Variants in UBN2 observed in about 807,000 individuals in gnomAD.
UBN2 encodes ubinuclein-2.
In UBN2, 35 loss-of-function variants were observed where a neutral mutation model predicts 120.2. That is an observed-to-expected ratio of 0.29 (90% CI 0.22 to 0.39). UBN2 has a LOEUF of 0.39. Ranked by LOEUF, UBN2 falls within the 10% of genes least tolerant of loss-of-function variation. The probability of loss-of-function intolerance (pLI) is 1.00; values close to 1 mark genes in which losing one functional copy is unlikely to be tolerated. For missense variants in UBN2, 1,693 were observed against 1,663.2 expected, an observed-to-expected ratio of 1.02 and a Z score of -0.31; for synonymous variants, 661 against 648.7, an observed-to-expected ratio of 1.02 and a Z score of -0.29.
chr7:139,267,472 C>T (rs765298930), intron 7 of UBN2, among the ~76,000 whole-genome samples: 3 of 151,312 alleles, frequency 2.0e-5, no homozygotes, highest in Non-Finnish European at 4.4e-5. Context: ...GGAGATTGAG[C>T]CTGCAGTGAA....
chr7:139,280,531 G>A (rs938866157), intron 13 of UBN2, among the ~76,000 whole-genome samples: 2 of 152,006 alleles, frequency 1.3e-5, no homozygotes, highest in Admixed American at 1.3e-4. Context: ...AATAGATGAG[G>A]TTCTTTGCTT....
intron 5 of UBN2, among the ~76,000 whole-genome samples, 198 bp downstream of exon 5, chr7:139,259,568 A>G (rs1259224828): frequency 6.6e-6 from 1 of 152,218 alleles, no homozygotes; most frequent in African/African-American, 2.4e-5. Flanking sequence ...AGAGACTCCT[A>G]GTGTTTTAGG....
chr7:139,240,765 C>G (rs1190592487), intron 2 of UBN2, among the ~76,000 whole-genome samples: 1 of 152,064 alleles, frequency 6.6e-6, no homozygotes, highest in Non-Finnish European at 1.5e-5. Flanking sequence ...TTATGTTGTT[C>G]TTATGCTCAG....
chr7:139,327,806 G>C, the UBN2 span, among the ~76,000 whole-genome samples: 1 of 152,168 alleles, frequency 6.6e-6, no homozygotes, highest in East Asian at 1.9e-4. Flanking sequence ...TACCACAACA[G>C]TTATTGAAGA....
chr7:139,308,924 G>A (rs1437787447), downstream of UBN2, among the ~76,000 whole-genome samples: 2 of 152,130 alleles, frequency 1.3e-5, no homozygotes, highest in Non-Finnish European at 2.9e-5. Context: ...ACAAAAATTA[G>A]CTGGGCATGG....
intron 6 of UBN2, among the ~76,000 whole-genome samples, chr7:139,262,300 A>G (rs562888238): frequency 4.8e-4 from 73 of 151,242 alleles, no homozygotes; most frequent in Admixed American, 1.1e-3. Flanking sequence ...GGGTTTCCCT[A>G]TGTTGGCCAG....
chr7:139,238,828 G>A (rs1796233204), intron 2 of UBN2, among the ~76,000 whole-genome samples: 1 of 152,118 alleles, frequency 6.6e-6, no homozygotes, highest in Admixed American at 6.5e-5. Context: ...ATAGACTGGT[G>A]GGTGTTTAAA....
chr7:139,252,477 A>G (rs1183748927), intron 3 of UBN2, among the ~76,000 whole-genome samples: 1 of 152,152 alleles, frequency 6.6e-6, no homozygotes, highest in Non-Finnish European at 1.5e-5. Context: ...TGAAATTTAA[A>G]TTTCATATAA....
chr7:139,314,842 G>A, the UBN2 span, among the ~76,000 whole-genome samples: 4 of 151,782 alleles, frequency 2.6e-5, no homozygotes, highest in Non-Finnish European at 4.4e-5. Flanking sequence ...GCTGTGCCTT[G>A]TTTCGATGCA....
Position 139,303,642 on chromosome 7 carries a change from T to C in UBN2, c.*5806T>C, listed in dbSNP as rs1185536017. On this transcript the variant is annotated 3_prime_UTR_variant, in exon 18 of 18. Coordinates refer to ENST00000473989, the MANE Select transcript of UBN2 (RefSeq NM_173569.4). ...CAGAGACTTTACTATTTCAAAAATATTTTGAGTTTTTGTAAAATGTCCTAT... is the reference window on the plus strand; with the variant it reads ...CAGAGACTTTACTATTTCAAAAATACTTTGAGTTTTTGTAAAATGTCCTAT... 2.0e-5 allele frequency: 3 copies of C among 152,224 alleles called. No homozygotes were observed. Among genetic ancestry groups the C allele is most frequent in the Non-Finnish European group, 2.9e-5 (2 of 68,040 alleles). 9.4% of individuals were successfully genotyped at this position (152,224 alleles called of 1,614,324 possible). A position where few individuals can be genotyped will look rare whatever the true frequency, so the allele number is the denominator to read the frequency against.
intron 2 of UBN2, among the ~76,000 whole-genome samples, chr7:139,241,755 GGGAGGCTGA>G (rs1796324282): frequency 6.6e-6 from 1 of 152,198 alleles, no homozygotes; most frequent in African/African-American, 2.4e-5. Context: ...CCAGCACTTT[GGGAGGCTGA>G]GGTGGGCAGA....
chr7:139,232,083 CG>C, intron 1 of UBN2, 131 bp downstream of exon 1: 2 of 778,608 alleles, frequency 2.6e-6, no homozygotes, highest in Non-Finnish European at 1.9e-6. Context: ...TGCGGGGGGC[CG>C]GGGCCGAGCG....
At chr7:139,315,109 G>A in the UBN2 span, among the ~76,000 whole-genome samples, 1 of 151,826 alleles carries the variant, frequency 6.6e-6, no homozygotes, top group African/African-American at 2.4e-5. Flanking sequence ...CTGAGTACCT[G>A]GGAGTACAGT....
intron 9 of UBN2, 107 bp from the exon 10 acceptor site, chr7:139,273,190 C>T: frequency 1.7e-6 from 1 of 599,562 alleles, no homozygotes; most frequent in Non-Finnish European, 2.7e-6. Flanking sequence ...CCGTCTTTAC[C>T]CTCTCTTTTA....
intron 15 of UBN2, among the ~76,000 whole-genome samples, chr7:139,291,269 G>A (rs1797947926): frequency 6.7e-6 from 1 of 148,264 alleles, no homozygotes; most frequent in African/African-American, 2.5e-5. Flanking sequence ...GCTGAGGCAG[G>A]AGAATTGCTT....
At position 139,276,123 on chromosome 7, in the gene UBN2, T is replaced by C. The variant is rs911005383; in HGVS notation, c.2000T>C (p.Val667Ala). Reference sequence around the variant, plus strand: ...ATGCTTTTTAAGGAAAGCCGGAGTGTTCATAATCATCTTACTTCTGCTCCG... The same window carrying C: ...ATGCTTTTTAAGGAAAGCCGGAGTGCTCATAATCATCTTACTTCTGCTCCG... The part of the protein sequence containing the change: ...ARMLFKESRS[V>A]HNHLTSAPAK... The change falls in exon 12 of 18, where the codon GTT becomes GCT. Residue 667 changes from valine to alanine, a missense_variant. Transcript: ENST00000473989. 1.2e-6 allele frequency: 2 copies of C among 1,613,486 alleles called. No individual in the cohort carries two copies. Among genetic ancestry groups the C allele is most frequent in the Non-Finnish European group, 1.7e-6 (2 of 1,179,904 alleles).
intron 6 of UBN2, among the ~76,000 whole-genome samples, chr7:139,265,009 T>C (rs1797053464): frequency 6.6e-6 from 1 of 152,228 alleles, no homozygotes; most frequent in African/African-American, 2.4e-5. Flanking sequence ...TATTTATCTT[T>C]ATACCAGGAA....
chr7:139,258,469 T>G lies in UBN2; in HGVS notation c.664-19T>G, dbSNP rs1261124766. The stretch of plus-strand genomic sequence containing the variant: ...AAGACAACAGGATATAGCGGAAACT[T>G]TTTTGTTTTTTAATCTAGTATGATG... On this transcript the variant is annotated intron_variant, in intron 3 of 17. Transcript: ENST00000473989. 1 of 1,537,636 alleles carries G rather than the reference T, an allele frequency of 6.5e-7. No homozygotes were observed.
At chr7:139,265,705 A>G (rs1463411848) in intron 6 of UBN2, among the ~76,000 whole-genome samples, 2 of 152,124 alleles carry the variant, frequency 1.3e-5, no homozygotes, top group Non-Finnish European at 2.9e-5. Context: ...TTACACACAC[A>G]GGAGAAGGTA....
Sources: allele counts gnomAD v4.1 joint callset (sites outside exome capture counted in the v4.1 genomes callset), GRCh38; gene constraint gnomAD v4.1.1; transcripts MANE v1.5; gene names NCBI Gene and HGNC (gene_info 2026-07-23, HGNC 2026-07-21).